RALYL: variants seen among roughly 807,000 people sequenced by gnomAD.
RALYL encodes the protein RALY RNA binding protein like, also known as RNA-binding Raly-like protein.
Under a neutral mutation model 35.1 loss-of-function variants are expected in RALYL, and 29 were observed. That is an observed-to-expected ratio of 0.83 (90% CI 0.61 to 1.13). The LOEUF is 1.13. Ranked by LOEUF, RALYL falls within the 50% of genes most tolerant of loss-of-function variation. The probability of loss-of-function intolerance (pLI) is 0.00; values close to 1 mark genes in which losing one functional copy is unlikely to be tolerated. For missense variants in RALYL, 359 were observed against 360.4 expected (o/e 1.00, Z 0.03); for synonymous variants, 120 against 127.6 (o/e 0.94, Z 0.40).
chr8:84,404,668 A>G (rs1049295224), intron 1 of RALYL, among the ~76,000 whole-genome samples: 1 of 152,166 alleles, frequency 6.6e-6, no homozygotes, highest in African/African-American at 2.4e-5. Context: ...CTTTGGTATC[A>G]GGATGATGCT....
At chr8:84,574,699 G>A (rs747815301) in intron 2 of RALYL, among the ~76,000 whole-genome samples, 5 of 151,974 alleles carry the variant, frequency 3.3e-5, no homozygotes, top group Non-Finnish European at 7.4e-5. Context: ...GAACACGTTT[G>A]TTTCCTATAT....
chr8:84,520,748 T>C (rs866217112), intron 1 of RALYL, among the ~76,000 whole-genome samples: 24 of 152,174 alleles, frequency 1.6e-4, no homozygotes, highest in African/African-American at 5.6e-4. Context: ...GCGTGCTCCT[T>C]ACGAGAATCT....
At chr8:84,602,297 T>C (rs757224345) in intron 2 of RALYL, among the ~76,000 whole-genome samples, 3 of 152,180 alleles carry the variant, frequency 2.0e-5, no homozygotes, top group Non-Finnish European at 4.4e-5. Context: ...CAGAAATCTA[T>C]AAGTCATTTT....
chr8:84,463,246 A>T (rs2051031476), intron 1 of RALYL, among the ~76,000 whole-genome samples: 1 of 151,988 alleles, frequency 6.6e-6, no homozygotes, highest in Non-Finnish European at 1.5e-5. Flanking sequence ...ATTGCTCTAG[A>T]GGTCTTCCAT....
At chr8:84,475,454 G>C (rs1293997290) in intron 1 of RALYL, among the ~76,000 whole-genome samples, 1 of 152,070 alleles carries the variant, frequency 6.6e-6, no homozygotes, top group African/African-American at 2.4e-5. Flanking sequence ...CTTATTTTTA[G>C]AGACATTTAA....
intron 1 of RALYL, among the ~76,000 whole-genome samples, chr8:84,219,419 T>C (rs936624911): frequency 1.5e-4 from 23 of 152,208 alleles, no homozygotes; most frequent in African/African-American, 5.3e-4. Flanking sequence ...GTCAATTAAA[T>C]CTTTTCCATT....
chr8:84,460,301 T>C (rs2050611737), intron 1 of RALYL, among the ~76,000 whole-genome samples: 1 of 151,778 alleles, frequency 6.6e-6, no homozygotes, highest in African/African-American at 2.4e-5. Flanking sequence ...CAAGTGCAAA[T>C]ATCATTCAAC....
At chr8:84,342,493 G>A (rs912800340) in intron 1 of RALYL, among the ~76,000 whole-genome samples, 13 of 151,166 alleles carry the variant, frequency 8.6e-5, no homozygotes, top group Non-Finnish European at 1.9e-4. Context: ...AAAAGCTTTG[G>A]TGCTTGAAGA....
chr8:84,415,485 G>A lies in RALYL; in HGVS notation c.-23-113814G>A, dbSNP rs1261805284. Among the ~76,000 whole-genome samples the A allele has an allele frequency of 5.3e-5, 8 of 151,924 alleles. No homozygotes were observed. The South Asian group carries it at 6.2e-4, about 12-fold the overall frequency. ...GAACTCCTGACCTTATGATCGACCCGCCTCGGCCTCCCAAAGTGCTGGTAT... is the reference window on the plus strand; with the variant it reads ...GAACTCCTGACCTTATGATCGACCCACCTCGGCCTCCCAAAGTGCTGGTAT... On this transcript the variant is annotated intron_variant, in intron 1 of 8. Transcript: ENST00000521268.
intron 2 of RALYL, among the ~76,000 whole-genome samples, chr8:84,630,951 C>T (rs1353468081): frequency 6.6e-6 from 1 of 151,906 alleles, no homozygotes; most frequent in Non-Finnish European, 1.5e-5. Flanking sequence ...GAAACATAAA[C>T]GTTTTTATTA....
At chr8:84,603,728 C>T (rs1816495783) in intron 2 of RALYL, among the ~76,000 whole-genome samples, 1 of 152,084 alleles carries the variant, frequency 6.6e-6, no homozygotes, top group South Asian at 2.1e-4. Flanking sequence ...TAATAAGTAA[C>T]ATTTAATCTG....
At chr8:84,767,033 C>T (rs1392002623) in intron 2 of RALYL, among the ~76,000 whole-genome samples, 1 of 152,108 alleles carries the variant, frequency 6.6e-6, no homozygotes, top group East Asian at 1.9e-4. Context: ...GGGAGAGTCA[C>T]ATCTATTTGG....
At chr8:84,484,703 A>C (rs771069126) in intron 1 of RALYL, among the ~76,000 whole-genome samples, 2 of 152,216 alleles carry the variant, frequency 1.3e-5, no homozygotes, top group Non-Finnish European at 2.9e-5. Flanking sequence ...TTAAACTCCA[A>C]AATACATCTA....
At chr8:84,744,496 C>T (rs1227051662) in intron 2 of RALYL, among the ~76,000 whole-genome samples, 1 of 151,908 alleles carries the variant, frequency 6.6e-6, no homozygotes, top group Non-Finnish European at 1.5e-5. Context: ...TTGGAGTAGC[C>T]CAGTACACTC....
chr8:84,438,606 G>A (rs1455864388), intron 1 of RALYL, among the ~76,000 whole-genome samples: 2 of 151,812 alleles, frequency 1.3e-5, no homozygotes, highest in Non-Finnish European at 2.9e-5. Context: ...TGCCCAGGCT[G>A]GTCTCAGATT....
intron 1 of RALYL, among the ~76,000 whole-genome samples, chr8:84,350,911 G>A (rs1586523851): frequency 1.3e-5 from 2 of 150,260 alleles, no homozygotes; most frequent in Non-Finnish European, 3.0e-5. Context: ...TTATTTTACA[G>A]TAGGAAATAA....
intron 2 of RALYL, among the ~76,000 whole-genome samples, chr8:84,598,930 C>T (rs1282615858): frequency 6.6e-6 from 1 of 152,036 alleles, no homozygotes; most frequent in Non-Finnish European, 1.5e-5. Flanking sequence ...TTCTAGCTAG[C>T]ATTTGTTACT....
chr8:84,185,143 G>A (rs1339704418), intron 1 of RALYL: 1 of 925,614 alleles, frequency 1.1e-6, no homozygotes, highest in Non-Finnish European at 1.8e-6. Context: ...TCTTCCAGGG[G>A]ATGGGGAAAT....
intron 1 of RALYL, among the ~76,000 whole-genome samples, chr8:84,391,176 C>G (rs1860607415): frequency 6.6e-6 from 1 of 151,956 alleles, no homozygotes; most frequent in South Asian, 2.1e-4. Flanking sequence ...GCGTGGACGA[C>G]TCTTTCTCTC....
Sources: gnomAD v4.1 joint callset for allele counts (sites outside exome capture counted in the v4.1 genomes callset) on GRCh38, gnomAD v4.1.1 for gene constraint, MANE v1.5 for transcripts, NCBI Gene and HGNC (gene_info 2026-07-23, HGNC 2026-07-21) for gene names.